The following ADAMTS7 variants were observed in gnomAD, a reference collection of about 807,000 sequenced individuals.
ADAMTS7 encodes the protein A disintegrin and metalloproteinase with thrombospondin motifs 7.
In ADAMTS7, 89 loss-of-function variants were observed where a neutral mutation model predicts 172.6. The ratio of observed to expected loss-of-function variants is 0.52; its 90% CI spans 0.43 to 0.61. The LOEUF is 0.61. Ranked by LOEUF, ADAMTS7 falls within the 20% of genes least tolerant of loss-of-function variation. ADAMTS7 has a pLI of 0.00. For synonymous variants in ADAMTS7, 885 were observed against 978.4 expected, an observed-to-expected ratio of 0.90 and a Z score of 1.78; for missense variants, 1,973 against 2,355.6, an observed-to-expected ratio of 0.84 and a Z score of 3.36.
chr15:78,791,139 C>T lies in ADAMTS7; in HGVS notation c.903+1G>A. The T allele has an allele frequency of 1.2e-6, 2 of 1,612,664 alleles. No homozygotes were observed. The highest frequency in any genetic ancestry group is 2.2e-5 in the South Asian group (2 of 90,866). ...CAGCGTGGGACCACATGACCACTCA[C>T]CTCCTCATCTTCCAGCAGGACCAGG... On this transcript the variant is annotated splice_donor_variant, in intron 5 of 23. Coordinates refer to ENST00000388820, the MANE Select transcript of ADAMTS7 (RefSeq NM_014272.5). LOFTEE classifies it high-confidence loss of function.
chr15:78,790,570 C>T, intron 6 of ADAMTS7, 100 bp downstream of exon 6: 1 of 1,521,812 alleles, frequency 6.6e-7, no homozygotes, highest in Non-Finnish European at 8.9e-7. Context: ...CAAAATTGGG[C>T]TCCCTGACAG....
chr15:78,810,760 G>A (rs2055855580), intron 1 of ADAMTS7: 1 of 182,706 alleles, frequency 5.5e-6, no homozygotes, highest in Non-Finnish European at 1.1e-5. Context: ...CAAATCCTCA[G>A]TGGGTAAACC....
At chr15:78,789,049 C>T (rs974220399) in intron 7 of ADAMTS7, among the ~76,000 whole-genome samples, 8 of 152,234 alleles carry the variant, frequency 5.3e-5, no homozygotes, top group African/African-American at 1.4e-4. Flanking sequence ...CCTGCAGGCA[C>T]GGCCATCGCC....
Position 78,790,798 on chromosome 15 carries a change from G to A in ADAMTS7, c.904-4C>T. ...GGTGCGTGATCTTTAGGTCCTCCTG[G>A]GGGCAGAGAGAGTGACTGCTCATGC... On this transcript the variant is annotated splice_polypyrimidine_tract_variant and splice_region_variant and intron_variant, in intron 5 of 23. Coordinates refer to ENST00000388820, the MANE Select transcript of ADAMTS7 (RefSeq NM_014272.5). 3 of 1,613,252 alleles carry A rather than the reference G, an allele frequency of 1.9e-6. No individual in the cohort carries two copies. The highest frequency in any genetic ancestry group is 2.2e-5 in the South Asian group (2 of 91,032).
chr15:78,765,131 C>T lies in ADAMTS7; in HGVS notation c.4267-424G>A, dbSNP rs145496726. 8.7e-3 allele frequency: 1,778 copies of T among 205,110 alleles called. 36 individuals carry two copies. Among genetic ancestry groups the T allele is most frequent in the African/African-American group, 0.039 (1,688 of 43,156 alleles). 12.7% of individuals were successfully genotyped at this position (205,110 alleles called of 1,614,324 possible). Reference sequence around the variant, plus strand: ...CTGTGGGCCTCAGCCTGCCCCTTCCCGCCCCAAAATTAGGGATCTGAACAG... The same window carrying T: ...CTGTGGGCCTCAGCCTGCCCCTTCCTGCCCCAAAATTAGGGATCTGAACAG... On this transcript the variant is annotated intron_variant, in intron 19 of 23. Coordinates refer to ENST00000388820, the MANE Select transcript of ADAMTS7 (RefSeq NM_014272.5).
chr15:78,777,190 C>T (rs1234061778), intron 9 of ADAMTS7: 9 of 590,980 alleles, frequency 1.5e-5, no homozygotes, highest in South Asian at 8.5e-5. Context: ...TATAAGCCAG[C>T]TCCAGAGAGG....
intron 8 of ADAMTS7, among the ~76,000 whole-genome samples, chr15:78,786,079 G>A (rs1202043468): frequency 1.3e-5 from 2 of 150,688 alleles, no homozygotes; most frequent in Admixed American, 6.7e-5. Context: ...ACAGGCACAC[G>A]CCACCACACC....
At chr15:78,789,551 A>T in intron 7 of ADAMTS7, 138 bp downstream of exon 7, 1 of 1,218,180 alleles carries the variant, frequency 8.2e-7, no homozygotes, top group Non-Finnish European at 1.1e-6. Flanking sequence ...CAGGGGCAGC[A>T]CATGGCCAGT....
intron 3 of ADAMTS7, 50 bp from the exon 4 acceptor site, chr15:78,796,836 C>T (rs537814573): frequency 8.0e-6 from 12 of 1,502,374 alleles, no homozygotes; most frequent in East Asian, 7.2e-5. Flanking sequence ...AGGCCCAGGG[C>T]ACACGTCTCC....
Position 78,776,259 on chromosome 15 carries a change from G to A in ADAMTS7, c.1635C>T (p.Ser545=), listed in dbSNP as rs189745536. The change falls in exon 11 of 24, where the codon AGC becomes AGT. Residue 545 remains serine (S), a synonymous_variant. Transcript: ENST00000388820. ...EAVDGGWSGW[S]AWSICSRSCG... ...AGCTCCGTGAGCAGATGGACCAGGC[G>A]CTCCAGCCAGACCAGCCACCATCCA... 1.1e-4 allele frequency: 182 copies of A among 1,611,724 alleles called. 1 individual carries two copies. The East Asian group carries it at 3.3e-3, about 30-fold the overall frequency.
At position 78,762,576 on chromosome 15, in the gene ADAMTS7, C is replaced by CGG. The variant is rs74316827; in HGVS notation, c.4741-13_4741-12dup. The CGG allele has an allele frequency of 6.9e-7, 1 of 1,457,388 alleles. No homozygotes were observed. The highest frequency in any genetic ancestry group is 2.4e-5 in the Admixed American group (1 of 41,670). 90.3% of individuals were successfully genotyped at this position (1,457,388 alleles called of 1,614,324 possible). A position where few individuals can be genotyped will look rare whatever the true frequency, so the allele number is the denominator to read the frequency against. On this transcript the variant is annotated splice_polypyrimidine_tract_variant and intron_variant, in intron 22 of 23. Transcript: ENST00000388820. Reference sequence around the variant, plus strand: ...ACAGGGGCCTGAGCACTGAGGGGAGCGGGGGAGGAATGAGTGTCTCCAGGG... The same window carrying CGG: ...ACAGGGGCCTGAGCACTGAGGGGAGCGGGGGGGAGGAATGAGTGTCTCCAGGG...
Position 78,800,421 on chromosome 15 carries a change from C to A in ADAMTS7, c.227G>T (p.Arg76Leu). ...TAGCTCGTAGAAGGCGGGCGCGTCTCGGCGCACAGATACATCCCGCTTGCG... is the reference window on the plus strand; with the variant it reads ...TAGCTCGTAGAAGGCGGGCGCGTCTAGGCGCACAGATACATCCCGCTTGCG... ...ALRKRDVSVR[R>L]DAPAFYELQY... The change falls in exon 2 of 24, where the codon CGA (arginine) becomes CTA (leucine). Residue 76 changes from arginine (R) to leucine (L), a missense_variant. Coordinates refer to ENST00000388820, the MANE Select transcript of ADAMTS7 (RefSeq NM_014272.5). The A allele has an allele frequency of 6.2e-7, 1 of 1,609,830 alleles. No homozygotes were observed. Among genetic ancestry groups the A allele is most frequent in the Non-Finnish European group, 8.5e-7 (1 of 1,178,426 alleles).
At chr15:78,801,262 T>C (rs2055722033) in intron 1 of ADAMTS7, among the ~76,000 whole-genome samples, 1 of 152,238 alleles carries the variant, frequency 6.6e-6, no homozygotes, top group Non-Finnish European at 1.5e-5. Flanking sequence ...CTAGCCTGTA[T>C]GAGGCCCTAG....
At chr15:78,786,121 G>T in intron 8 of ADAMTS7, among the ~76,000 whole-genome samples, 1 of 151,596 alleles carries the variant, frequency 6.6e-6, no homozygotes, top group Non-Finnish European at 1.5e-5. Flanking sequence ...GTAGGGAAGG[G>T]GTTTCACCAT....
chr15:78,764,768 A>G (rs1324479858), intron 19 of ADAMTS7, 61 bp from the exon 20 acceptor site: 12 of 1,420,206 alleles, frequency 8.4e-6, no homozygotes, highest in Non-Finnish European at 1.0e-5. Flanking sequence ...CTCCACAGCC[A>G]GGAAACTACC....
chr15:78,806,729 G>C (rs566076190), intron 1 of ADAMTS7, among the ~76,000 whole-genome samples: 14 of 152,268 alleles, frequency 9.2e-5, no homozygotes, highest in African/African-American at 2.9e-4. Flanking sequence ...AGTTCGTGGA[G>C]GCTACAACTC....
chr15:78,786,221 C>G (rs1198248558), intron 8 of ADAMTS7, among the ~76,000 whole-genome samples: 1 of 152,062 alleles, frequency 6.6e-6, no homozygotes, highest in Non-Finnish European at 1.5e-5. Flanking sequence ...TAAGCCACCA[C>G]AAGCAAGGTC....
Position 78,797,983 on chromosome 15 carries a change from C to A in ADAMTS7, c.587G>T (p.Gly196Val), listed in dbSNP as rs1567238022. 3.1e-6 allele frequency: 5 copies of A among 1,595,192 alleles called. No individual in the cohort carries two copies. The highest frequency in any genetic ancestry group is 4.3e-6 in the Non-Finnish European group (5 of 1,172,616). Residue 196 changes from glycine (G) to valine (V), a missense_variant, in exon 3 of 24, where the codon GGT becomes GTT. Transcript: ENST00000388820. ...RQAPERLAQR[G>V]DSSAPSTCGV... The stretch of plus-strand genomic sequence containing the variant: ...ACAGGTGCTTGGAGCACTGGAATCA[C>A]CCCGCTGTGCCAGCCTCTCCGGGGC...
At position 78,802,340 on chromosome 15, in the gene ADAMTS7, T is replaced by C. The variant is rs149021624; in HGVS notation, c.101-1793A>G. 9.3e-3 allele frequency among the ~76,000 whole-genome samples: 1,412 copies of C among 152,288 alleles called. 26 individuals are homozygous for C. The highest frequency in any genetic ancestry group is 0.033 in the African/African-American group (1,360 of 41,562). On this transcript the variant is annotated intron_variant, in intron 1 of 23. Coordinates refer to ENST00000388820, the MANE Select transcript of ADAMTS7 (RefSeq NM_014272.5). ...TTGAATATGATGGCAATTATGATTG[T>C]TATGATTATTATTAGCCTGACGGAT...
Sources: gnomAD v4.1 joint callset for allele counts (sites outside exome capture counted in the v4.1 genomes callset) on GRCh38, gnomAD v4.1.1 for gene constraint, MANE v1.5 for transcripts, NCBI Gene and HGNC (gene_info 2026-07-23, HGNC 2026-07-21) for gene names.